The following GTF3C1 variants were observed in gnomAD, a reference collection of about 807,000 sequenced individuals.
The protein encoded by GTF3C1 is general transcription factor 3C polypeptide 1.
Under a neutral mutation model 226.7 loss-of-function variants are expected in GTF3C1, and 57 were observed. That is an observed-to-expected ratio of 0.25 (90% CI 0.20 to 0.31). The LOEUF (loss-of-function observed/expected upper bound fraction) is 0.31, where lower values mean the gene tolerates loss of function less well. Ranked by LOEUF, GTF3C1 falls within the 10% of genes least tolerant of loss-of-function variation. The probability of loss-of-function intolerance (pLI) is 1.00; values close to 1 mark genes in which losing one functional copy is unlikely to be tolerated. For missense variants in GTF3C1, 2,217 were observed against 2,776.1 expected (o/e 0.80, Z 4.53); for synonymous variants, 1,090 against 1,084.8 (o/e 1.00, Z -0.09).
At chr16:27,479,280 T>C (rs2141361552) in intron 27 of GTF3C1, among the ~76,000 whole-genome samples, 1 of 151,676 alleles carries the variant, frequency 6.6e-6, no homozygotes, top group African/African-American at 2.4e-5. Context: ...CCCCAAAGAG[T>C]AGCCATATTA....
intron 5 of GTF3C1, 152 bp from the exon 6 acceptor site, chr16:27,528,873 G>A: frequency 2.6e-6 from 2 of 780,354 alleles, no homozygotes; most frequent in Non-Finnish European, 4.4e-6. Context: ...CCTTGTCAAG[G>A]GACCAAAACA....
In GTF3C1 at chr16:27,463,511, C is replaced by T; in HGVS notation, c.5924+30G>A. 1.4e-6 allele frequency: 2 copies of T among 1,389,188 alleles called. No homozygotes were observed. The highest frequency in any genetic ancestry group is 2.0e-6 in the Non-Finnish European group (2 of 975,890). The allele number at this position is 1,389,188 out of a possible 1,614,324, so 86.1% of individuals were successfully genotyped here. A position where few individuals can be genotyped will look rare whatever the true frequency, so the allele number is the denominator to read the frequency against. On this transcript the variant is annotated intron_variant, in intron 35 of 36. Coordinates refer to ENST00000356183, the MANE Select transcript of GTF3C1 (RefSeq NM_001520.4). This position sits in a 1 kb window ranked among gnomAD's most constrained non-coding sequence, Gnocchi z 4.9. ...TCGGTCCCTGTCAAGAGCCCCGCCC[C>T]AGGCCCCGGAGCCAGAACCCCACAC... is the stretch of plus-strand genomic sequence containing the variant.
chr16:27,468,283 C>T (rs567463064), intron 32 of GTF3C1, among the ~76,000 whole-genome samples: 14 of 152,294 alleles, frequency 9.2e-5, no homozygotes, highest in Admixed American at 3.3e-4. Flanking sequence ...CTGGTAAAGA[C>T]GCTGAGAACA....
At chr16:27,527,187 A>T (rs1473201737) in intron 6 of GTF3C1, among the ~76,000 whole-genome samples, 1 of 152,176 alleles carries the variant, frequency 6.6e-6, no homozygotes, top group Non-Finnish European at 1.5e-5. Flanking sequence ...CAGCCTGGGA[A>T]ATAGAGCGAG....
intron 6 of GTF3C1, among the ~76,000 whole-genome samples, chr16:27,518,188 GACAC>G (rs113867049): frequency 2.7e-5 from 4 of 149,370 alleles, no homozygotes; most frequent in Admixed American, 2.0e-4. Flanking sequence ...CCCCGCCCAA[GACAC>G]ACACACACAC....
chr16:27,549,834 C>T lies in GTF3C1; in HGVS notation c.57G>A (p.Leu19=), dbSNP rs765571174. ...DEVALEGLDG[L]CLPALWSRLE... is the part of the protein sequence containing the mutation. ...GCCGGCTCCACAGCGCTGGCAGACA[C>T]AGGCCATCGAGCCCCTCCAGAGCGA... The change falls in exon 1 of 37, where the codon CTG becomes CTA. Residue 19 remains leucine (L), a synonymous_variant. Coordinates refer to ENST00000356183, the MANE Select transcript of GTF3C1 (RefSeq NM_001520.4). 6.2e-7 allele frequency: 1 copy of T among 1,613,028 alleles called. No individual in the cohort carries two copies. Among genetic ancestry groups the T allele is most frequent in the South Asian group, 1.1e-5 (1 of 91,084 alleles).
chr16:27,474,401 G>A (rs1430772789), intron 29 of GTF3C1, among the ~76,000 whole-genome samples: 1 of 152,100 alleles, frequency 6.6e-6, no homozygotes, highest in Non-Finnish European at 1.5e-5. Context: ...AAGGCAGGGG[G>A]CCCAGCTTTT....
chr16:27,485,974 C>CGCTGG lies in GTF3C1; in HGVS notation c.3858+18_3858+22dup, dbSNP rs536275719. The CGCTGG allele has an allele frequency of 1.3e-4, 204 of 1,554,430 alleles. No homozygotes were observed. In the African/African-American group the frequency reaches 2.4e-3, roughly 18 times the overall value. On this transcript the variant is annotated intron_variant, in intron 24 of 36. Coordinates refer to ENST00000356183, the MANE Select transcript of GTF3C1 (RefSeq NM_001520.4). ...AGCTCCGAGTGAGGGGCAGGCCCAC[C>CGCTGG]GCTGGGCTGGGCTGGTTGGTACCTT...
chr16:27,484,698 C>T (rs2088108702), intron 24 of GTF3C1, among the ~76,000 whole-genome samples: 1 of 152,200 alleles, frequency 6.6e-6, no homozygotes, highest in African/African-American at 2.4e-5. Flanking sequence ...AGTTAGAGGT[C>T]TTAGTGTCCT....
rs1241712820 is a variant in GTF3C1 at position 27,471,757 on chromosome 16, G to A, written c.4517C>T (p.Thr1506Ile). The change falls in exon 30 of 37, where the codon ACC becomes ATC. Residue 1506 changes from threonine to isoleucine, a missense_variant. Around this residue, in one of 12 missense-constraint regions of GTF3C1, gnomAD observed 546 missense variants for 663.0 expected, o/e 0.82. Transcript: ENST00000356183. This position sits in a 1 kb window ranked among gnomAD's most constrained non-coding sequence, Gnocchi z 5.0. ...CCTGACAGGTACTCACCTGTAGTAGGTCTGGGATAGCTGGTAGGACATTGG... is the reference window on the plus strand; with the variant it reads ...CCTGACAGGTACTCACCTGTAGTAGATCTGGGATAGCTGGTAGGACATTGG... ...FVPMSYQLSQTYYRIFTWRFP... is the reference protein window; with the variant it reads ...FVPMSYQLSQIYYRIFTWRFP... The A allele has an allele frequency of 1.9e-6, 3 of 1,613,576 alleles. No homozygotes were observed. In the African/African-American group the frequency reaches 4.0e-5, roughly 22 times the overall value.
At position 27,461,610 on chromosome 16, in the gene GTF3C1, T is replaced by C. The variant is rs759227245; in HGVS notation, c.6118-48A>G. On this transcript the variant is annotated intron_variant, in intron 36 of 36. Coordinates refer to ENST00000356183, the MANE Select transcript of GTF3C1 (RefSeq NM_001520.4). The surrounding 1 kb of genome is among the most constrained non-coding windows in gnomAD (Gnocchi z 5.3). ...TTACAGCGGCACTGCCCTCGCCTGCTTGTTGATTTATTCTTCAAGCATTTA... is the reference window on the plus strand; with the variant it reads ...TTACAGCGGCACTGCCCTCGCCTGCCTGTTGATTTATTCTTCAAGCATTTA... The C allele has an allele frequency of 3.6e-6, 5 of 1,379,016 alleles. No homozygotes were observed. In the Admixed American group the frequency reaches 8.5e-5, roughly 23 times the overall value. 85.4% of individuals were successfully genotyped at this position (1,379,016 alleles called of 1,614,324 possible).
Position 27,478,477 on chromosome 16 carries a change from T to A in GTF3C1, c.4251A>T (p.Glu1417Asp). Residue 1417 changes from glutamate (E) to aspartate (D), a missense_variant, in exon 28 of 37, where the codon GAA becomes GAT. Around this residue, in one of 12 missense-constraint regions of GTF3C1, gnomAD observed 546 missense variants for 663.0 expected, o/e 0.82. Transcript: ENST00000356183. ...TATATATCAGTACTTACCTGTTAAG[T>A]TCATCCTCTTTCCTGGTTTGATCTT... ...DEKDQTRKED[E>D]LNSVDDIHFL... The A allele has an allele frequency of 6.2e-7, 1 of 1,604,244 alleles. No homozygotes were observed. Among genetic ancestry groups the A allele is most frequent in the Non-Finnish European group, 8.5e-7 (1 of 1,170,964 alleles).
intron 27 of GTF3C1, 92 bp downstream of exon 27, chr16:27,480,987 G>A (rs2088035668): frequency 1.1e-5 from 11 of 998,890 alleles, no homozygotes; most frequent in Non-Finnish European, 1.6e-5. Flanking sequence ...CAGGTGCTGT[G>A]CGCTTCCCGG....
At chr16:27,524,156 G>C (rs2088795157) in intron 6 of GTF3C1, among the ~76,000 whole-genome samples, 1 of 152,208 alleles carries the variant, frequency 6.6e-6, no homozygotes, top group South Asian at 2.1e-4. Flanking sequence ...GTGGGAAGCG[G>C]GTGTCTGTGG....
rs2087826513 is a variant in GTF3C1 at position 27,469,117 on chromosome 16, C to A, written c.5074+174G>T. ...AGAGGTGTGGGCACAGCACAGGCACCTGGGGAAGGCATCCCTTGAGTTGGC... is the reference window on the plus strand; with the variant it reads ...AGAGGTGTGGGCACAGCACAGGCACATGGGGAAGGCATCCCTTGAGTTGGC... On this transcript the variant is annotated intron_variant, in intron 32 of 36. Coordinates refer to ENST00000356183, the MANE Select transcript of GTF3C1 (RefSeq NM_001520.4). This position sits in a 1 kb window ranked among gnomAD's most constrained non-coding sequence, Gnocchi z 4.5. Among the ~76,000 whole-genome samples, 1 of 152,232 alleles carries A rather than the reference C, an allele frequency of 6.6e-6. No individual in the cohort carries two copies. The highest frequency in any genetic ancestry group is 1.5e-5 in the Non-Finnish European group (1 of 68,032).
intron 10 of GTF3C1, among the ~76,000 whole-genome samples, chr16:27,503,681 TA>T (rs2088442067): frequency 6.6e-6 from 1 of 152,236 alleles, no homozygotes; most frequent in Non-Finnish European, 1.5e-5. Flanking sequence ...TTAATGAGCT[TA>T]AAATGAACCT....
chr16:27,482,538 C>G (rs1323414656), intron 26 of GTF3C1: 2 of 456,114 alleles, frequency 4.4e-6, no homozygotes, highest in South Asian at 3.1e-5. Flanking sequence ...GAAAAGGTAG[C>G]CTCTCCTTGT....
At chr16:27,468,598 C>A (rs1596613577) in intron 32 of GTF3C1, among the ~76,000 whole-genome samples, 2 of 151,794 alleles carry the variant, frequency 1.3e-5, no homozygotes, top group Non-Finnish European at 2.9e-5. Context: ...AGCAACTGAG[C>A]AAGACCCTAA....
In GTF3C1 at chr16:27,491,415, C is replaced by T. The variant is rs576773367; in HGVS notation, c.3151+923G>A. On this transcript the variant is annotated intron_variant, in intron 19 of 36. Coordinates refer to ENST00000356183, the MANE Select transcript of GTF3C1 (RefSeq NM_001520.4). ...CCTCCATGCATTTGATCCACATTTA[C>T]AGGATGCCGACTGTGCACCCGACAC... 2.1e-3 allele frequency among the ~76,000 whole-genome samples: 317 copies of T among 152,314 alleles called. 3 individuals are homozygous for T. Among genetic ancestry groups the T allele is most frequent in the African/African-American group, 7.1e-3 (297 of 41,558 alleles).
Sources: gnomAD v4.1 joint callset for allele counts (sites outside exome capture counted in the v4.1 genomes callset) on GRCh38, gnomAD v4.1.1 for gene constraint, gnomAD v4.1.1 regional missense constraint, Gnocchi (gnomAD v3.1) non-coding constraint, MANE v1.5 for transcripts, NCBI Gene and HGNC (gene_info 2026-07-23, HGNC 2026-07-21) for gene names.